The following ENTPD3 variants were observed in gnomAD, a reference collection of about 807,000 sequenced individuals.
ENTPD3 encodes CD39 antigen-like 3.
Under a neutral mutation model 51.2 loss-of-function variants are expected in ENTPD3, and 60 were observed. The observed-to-expected ratio is 1.17, with a 90% CI of 0.95 to 1.45. ENTPD3 has a LOEUF of 1.45. ENTPD3 is among the 40% of genes most tolerant of loss of function. The pLI is 0.00. For missense variants in ENTPD3, 593 were observed against 641.1 expected, an observed-to-expected ratio of 0.93 and a Z score of 0.81; for synonymous variants, 221 against 238.4, an observed-to-expected ratio of 0.93 and a Z score of 0.67.
chr3:40,422,011 C>T (rs986516589), intron 7 of ENTPD3, among the ~76,000 whole-genome samples: 4 of 152,068 alleles, frequency 2.6e-5, no homozygotes, highest in South Asian at 4.2e-4. Context: ...TAAAATGATA[C>T]ATTATATATA....
At chr3:40,394,844 C>T (rs892511661) in intron 3 of ENTPD3, among the ~76,000 whole-genome samples, 4 of 152,208 alleles carry the variant, frequency 2.6e-5, no homozygotes, top group Non-Finnish European at 5.9e-5. Flanking sequence ...GATAGCTGGG[C>T]TGCCTGCCCT....
Position 40,418,138 on chromosome 3 carries a change from C to A in ENTPD3, c.831+2065C>A, listed in dbSNP as rs1175867645. On this transcript the variant is annotated intron_variant, in intron 7 of 10. Coordinates refer to ENST00000301825, the MANE Select transcript of ENTPD3 (RefSeq NM_001248.4). ...CCAGCACTGGCCATGGAGAAGTGAG[C>A]ACCCAGCCTCTCACAGTCAGCTCAC... Among the ~76,000 whole-genome samples, 6 of 152,142 alleles carry A rather than the reference C, an allele frequency of 3.9e-5. No homozygotes were observed. In the East Asian group the frequency reaches 9.6e-4, roughly 24 times the overall value.
rs770518298 is a variant in ENTPD3 at position 40,427,295 on chromosome 3, G to A, written c.1377G>A (p.Trp459Ter). 6.2e-7 allele frequency: 1 copy of A among 1,614,084 alleles called. No homozygotes were observed. The highest frequency in any genetic ancestry group is 1.7e-5 in the Admixed American group (1 of 60,002). The change falls in exon 11 of 11, where the codon TGG becomes TGA. Residue 459 changes from tryptophan (W) to a stop codon, truncating the protein, a stop_gained. Coordinates refer to ENST00000301825, the MANE Select transcript of ENTPD3 (RefSeq NM_001248.4). LOFTEE classifies it low-confidence loss of function (END_TRUNC). ...AGGTGGGGAATAGCAGCATAGCCTG[G>A]TCTCTTGGCTACATGCTCAGCCTGA... ...EKEVGNSSIA[W>*]SLGYMLSLTN... is the part of the protein sequence containing the mutation.
chr3:40,420,296 T>C (rs1164068726), intron 7 of ENTPD3, among the ~76,000 whole-genome samples: 3 of 149,966 alleles, frequency 2.0e-5, no homozygotes, highest in African/African-American at 7.3e-5. Flanking sequence ...AGTGCAGTGG[T>C]GTGATCTTGG....
chr3:40,424,683 C>A, intron 10 of ENTPD3: 1 of 696,892 alleles, frequency 1.4e-6, no homozygotes, highest in South Asian at 1.5e-5. Flanking sequence ...ACCTCCATAC[C>A]TTGTTTTTAG....
intron 5 of ENTPD3, 48 bp downstream of exon 5, chr3:40,412,010 G>T: frequency 2.6e-6 from 4 of 1,512,086 alleles, no homozygotes; most frequent in Non-Finnish European, 3.6e-6. Context: ...AAATAACCAA[G>T]AATATGTTGA....
intron 7 of ENTPD3, among the ~76,000 whole-genome samples, chr3:40,419,280 T>C (rs1169773431): frequency 6.6e-6 from 1 of 152,146 alleles, no homozygotes; most frequent in African/African-American, 2.4e-5. Context: ...AACAAATAGG[T>C]AATCTTCCAA....
At position 40,416,078 on chromosome 3, in the gene ENTPD3, T is replaced by G. The variant is rs761713139; in HGVS notation, c.831+5T>G. The G allele has an allele frequency of 1.2e-5, 20 of 1,610,906 alleles. No individual in the cohort carries two copies. Among genetic ancestry groups the G allele is most frequent in the Non-Finnish European group, 1.7e-5 (20 of 1,177,552 alleles). ...TTTCTGGCAATGCTCCTGCAGGTAC[T>G]TGAGTCGGGGGTAGGGGGTGGCAGG... On this transcript the variant is annotated splice_donor_5th_base_variant and intron_variant, in intron 7 of 10. Transcript: ENST00000301825.
At chr3:40,411,151 C>T (rs149777513) in intron 4 of ENTPD3, among the ~76,000 whole-genome samples, 276 of 151,764 alleles carry the variant, frequency 1.8e-3, no homozygotes, top group African/African-American at 6.3e-3. Context: ...ATTAGCCAGG[C>T]GTGGTGGTGC....
At chr3:40,397,586 C>G (rs978858023) in intron 3 of ENTPD3, among the ~76,000 whole-genome samples, 19 of 152,038 alleles carry the variant, frequency 1.2e-4, no homozygotes, top group Non-Finnish European at 2.4e-4. Context: ...AAGTGCAGGA[C>G]AAGGCTTATT....
At chr3:40,416,121 G>C (rs1425283324) in intron 7 of ENTPD3, 48 bp downstream of exon 7, 1 of 1,371,468 alleles carries the variant, frequency 7.3e-7, no homozygotes, top group South Asian at 1.2e-5. Context: ...TTGAGGGTTT[G>C]AGCTGAGGGG....
intron 6 of ENTPD3, among the ~76,000 whole-genome samples, chr3:40,415,525 G>T (rs1352946649): frequency 6.6e-6 from 1 of 152,146 alleles, no homozygotes; most frequent in East Asian, 1.9e-4. Flanking sequence ...CGGAGGAACT[G>T]GTCACAGTAG....
chr3:40,422,060 C>T (rs1403159370), intron 7 of ENTPD3, among the ~76,000 whole-genome samples: 1 of 151,946 alleles, frequency 6.6e-6, no homozygotes, highest in Non-Finnish European at 1.5e-5. Flanking sequence ...AAACCTGGTT[C>T]ATAGGGCTAT....
At chr3:40,397,115 GTTTC>G (rs1343886190) in intron 3 of ENTPD3, among the ~76,000 whole-genome samples, 5 of 23,882 alleles carry the variant, frequency 2.1e-4, no homozygotes, top group African/African-American at 2.2e-4. Context: ...TGGATAATTA[GTTTC>G]TTTTTTTTTT....
intron 4 of ENTPD3, among the ~76,000 whole-genome samples, chr3:40,408,026 C>T (rs1307206347): frequency 6.6e-6 from 1 of 152,134 alleles, no homozygotes; most frequent in Non-Finnish European, 1.5e-5. Flanking sequence ...TTCAAGGACA[C>T]CTCACGGATC....
chr3:40,389,861 G>C (rs749397289), intron 2 of ENTPD3, among the ~76,000 whole-genome samples: 1 of 152,188 alleles, frequency 6.6e-6, no homozygotes, highest in African/African-American at 2.4e-5. Flanking sequence ...AAATAATGGA[G>C]GGGTAAAGCA....
At chr3:40,402,493 A>T (rs1955387548) in intron 4 of ENTPD3, among the ~76,000 whole-genome samples, 1 of 152,080 alleles carries the variant, frequency 6.6e-6, no homozygotes, top group African/African-American at 2.4e-5. Flanking sequence ...ATATATTTAT[A>T]GGCATTTCTG....
chr3:40,424,251 C>T lies in ENTPD3; in HGVS notation c.1353+288C>T, dbSNP rs962191816. The T allele has an allele frequency of 1.7e-5, 13 of 743,894 alleles. No homozygotes were observed. The Admixed American group carries it at 1.9e-4, about 11-fold the overall frequency. 46.1% of individuals were successfully genotyped at this position (743,894 alleles called of 1,614,324 possible). A position where few individuals can be genotyped will look rare whatever the true frequency, so the allele number is the denominator to read the frequency against. The stretch of plus-strand genomic sequence containing the variant: ...GTATCTTCATATTCCCAGCACTCTG[C>T]ACAAGGAATAGAGCCTAGAAGGTAC... On this transcript the variant is annotated intron_variant, in intron 10 of 10. Coordinates refer to ENST00000301825, the MANE Select transcript of ENTPD3 (RefSeq NM_001248.4).
intron 4 of ENTPD3, among the ~76,000 whole-genome samples, chr3:40,403,907 C>T (rs1955432349): frequency 6.6e-6 from 1 of 152,076 alleles, no homozygotes; most frequent in African/African-American, 2.4e-5. Flanking sequence ...CCTCAGCCTC[C>T]CAAAGTGCTG....
Sources: allele counts gnomAD v4.1 joint callset (sites outside exome capture counted in the v4.1 genomes callset), GRCh38; gene constraint gnomAD v4.1.1; transcripts MANE v1.5; gene names NCBI Gene and HGNC (gene_info 2026-07-23, HGNC 2026-07-21).